Variants in CWC27 observed in about 807,000 individuals in gnomAD.
CWC27 encodes the protein CWC27 spliceosome associated cyclophilin, also known as spliceosome-associated protein CWC27 homolog.
A neutral mutation model predicts 63.6 loss-of-function variants in CWC27; 47 were observed. That is an observed-to-expected ratio of 0.74 (90% confidence interval 0.58 to 0.94). The LOEUF is 0.94. Among genes scored for constraint, CWC27 ranks in the 40% least tolerant of loss-of-function variants. CWC27 has a pLI of 0.00. For synonymous variants in CWC27, 175 were observed against 179.8 expected (o/e 0.97, Z 0.22); for missense variants, 495 against 554.3 (o/e 0.89, Z 1.07).
chr5:64,988,917 A>G (rs890798510), intron 13 of CWC27, among the ~76,000 whole-genome samples: 4 of 152,134 alleles, frequency 2.6e-5, no homozygotes, highest in Admixed American at 2.6e-4. Flanking sequence ...ACTATCTTTT[A>G]GTTAAGTTCT....
chr5:64,887,315 G>T (rs1217804370), intron 11 of CWC27, among the ~76,000 whole-genome samples: 1 of 152,034 alleles, frequency 6.6e-6, no homozygotes, highest in Admixed American at 6.6e-5. Context: ...ATTTCTTAAT[G>T]CAAAAGAGAA....
At chr5:64,815,866 TTCTTATTAGATA>T (rs1745011019) in intron 10 of CWC27, among the ~76,000 whole-genome samples, 1 of 152,122 alleles carries the variant, frequency 6.6e-6, no homozygotes, top group South Asian at 2.1e-4. Flanking sequence ...AATTGTAACT[TTCTTATTAGATA>T]TCTTAAGAAT....
At chr5:64,983,282 A>T (rs1392087742) in intron 13 of CWC27, among the ~76,000 whole-genome samples, 1 of 152,148 alleles carries the variant, frequency 6.6e-6, no homozygotes, top group Non-Finnish European at 1.5e-5. Context: ...ATTGTTTTAC[A>T]TTTTTTTGTA....
chr5:64,996,356 T>C (rs1402127269), intron 13 of CWC27, among the ~76,000 whole-genome samples: 1 of 152,202 alleles, frequency 6.6e-6, no homozygotes, highest in Non-Finnish European at 1.5e-5. Context: ...TGGTATTCAT[T>C]CAGGTAATCA....
chr5:64,781,171 TG>T (rs1268002921), intron 2 of CWC27, among the ~76,000 whole-genome samples: 1 of 152,176 alleles, frequency 6.6e-6, no homozygotes, highest in Non-Finnish European at 1.5e-5. Flanking sequence ...TGTATATTTA[TG>T]AGTTCTAAAT....
At chr5:64,874,058 C>A (rs528358983) in intron 10 of CWC27, among the ~76,000 whole-genome samples, 2 of 147,558 alleles carry the variant, frequency 1.4e-5, no homozygotes, top group Non-Finnish European at 3.0e-5. Context: ...TTTAAAAATT[C>A]TTTTTCCTTG....
At chr5:64,913,481 G>A (rs917392720) in intron 11 of CWC27, among the ~76,000 whole-genome samples, 1 of 151,852 alleles carries the variant, frequency 6.6e-6, no homozygotes. Context: ...AGAATCTACA[G>A]AAAAATTATA....
At chr5:64,935,291 G>T (rs1284715250) in intron 11 of CWC27, among the ~76,000 whole-genome samples, 6 of 152,194 alleles carry the variant, frequency 3.9e-5, no homozygotes, top group African/African-American at 1.4e-4. Flanking sequence ...AAGATGTAAG[G>T]AAGGGGTCCA....
chr5:64,785,586 G>A lies in CWC27; in HGVS notation c.495+7G>A. On this transcript the variant is annotated splice_region_variant and intron_variant, in intron 5 of 13. Coordinates refer to ENST00000381070, the MANE Select transcript of CWC27 (RefSeq NM_005869.4). ...CAAAATAAAAAGCTGTGAGGTAGGA[G>A]CATGATTATTACGAGATACAGCACT... is the stretch of plus-strand genomic sequence containing the variant. The A allele has an allele frequency of 6.5e-7, 1 of 1,550,288 alleles. No individual in the cohort carries two copies. The highest frequency in any genetic ancestry group is 8.8e-7 in the Non-Finnish European group (1 of 1,132,804).
At chr5:64,888,506 G>A (rs1357279657) in intron 11 of CWC27, among the ~76,000 whole-genome samples, 2 of 135,506 alleles carry the variant, frequency 1.5e-5, no homozygotes, top group African/African-American at 2.8e-5. Context: ...TATACAAATA[G>A]CATATATTAT....
intron 10 of CWC27, among the ~76,000 whole-genome samples, chr5:64,821,408 A>T (rs1351628057): frequency 6.6e-6 from 1 of 152,202 alleles, no homozygotes; most frequent in Admixed American, 6.5e-5. Context: ...GATGAGGCAA[A>T]TAAACGTGAA....
chr5:64,907,922 T>C (rs1334981521), intron 11 of CWC27, among the ~76,000 whole-genome samples: 1 of 152,230 alleles, frequency 6.6e-6, no homozygotes, highest in Non-Finnish European at 1.5e-5. Flanking sequence ...TCTTGTCTTC[T>C]GCTAGCTTTT....
chr5:64,883,702 G>A (rs552898348), intron 10 of CWC27, among the ~76,000 whole-genome samples: 61 of 152,272 alleles, frequency 4.0e-4, no homozygotes, highest in African/African-American at 1.4e-3. Context: ...ACTGTAAGAG[G>A]GATAGATTGC....
At chr5:64,831,721 A>T (rs759944643) in intron 10 of CWC27, among the ~76,000 whole-genome samples, 2 of 151,954 alleles carry the variant, frequency 1.3e-5, no homozygotes, top group Non-Finnish European at 2.9e-5. Context: ...CTAAAATAAA[A>T]GTTGGAAAGG....
At chr5:65,010,721 C>T (rs1241621330) in intron 13 of CWC27, among the ~76,000 whole-genome samples, 2 of 152,208 alleles carry the variant, frequency 1.3e-5, no homozygotes, top group African/African-American at 4.8e-5. Context: ...TGTCAATCTT[C>T]AAGCAGTTTA....
intron 11 of CWC27, among the ~76,000 whole-genome samples, chr5:64,901,383 G>T (rs973811013): frequency 6.6e-6 from 1 of 151,572 alleles, no homozygotes; most frequent in African/African-American, 2.4e-5. Context: ...GCGTGAACCC[G>T]GGAGGTGGAA....
At chr5:64,992,706 T>C (rs984402277) in intron 13 of CWC27, among the ~76,000 whole-genome samples, 14 of 151,650 alleles carry the variant, frequency 9.2e-5, no homozygotes, top group Admixed American at 8.5e-4. Context: ...TAATTTTTTT[T>C]TTTTTTTTAA....
intron 11 of CWC27, among the ~76,000 whole-genome samples, chr5:64,914,615 C>T (rs1396360898): frequency 2.0e-5 from 3 of 151,762 alleles, no homozygotes; most frequent in Non-Finnish European, 4.4e-5. Flanking sequence ...TTAACAGTAG[C>T]AATTGTTACT....
At chr5:65,008,371 A>T in intron 13 of CWC27, among the ~76,000 whole-genome samples, 1 of 152,236 alleles carries the variant, frequency 6.6e-6, no homozygotes, top group East Asian at 1.9e-4. Flanking sequence ...TCCCAGTCAG[A>T]TAGATGCCTA....
Sources: gnomAD v4.1 joint callset for allele counts (sites outside exome capture counted in the v4.1 genomes callset) on GRCh38, gnomAD v4.1.1 for gene constraint, MANE v1.5 for transcripts, NCBI Gene and HGNC (gene_info 2026-07-23, HGNC 2026-07-21) for gene names.